WDR27: variants seen among roughly 807,000 people sequenced by gnomAD.
WDR27 encodes the protein WD repeat domain 27, also known as WD repeat-containing protein 27.
In WDR27, 100 loss-of-function variants were observed where a neutral mutation model predicts 114.4. The observed-to-expected ratio is 0.87, with a 90% CI of 0.74 to 1.03. The LOEUF is 1.03. WDR27 is among the 50% of genes least tolerant of loss of function. The pLI, the probability that WDR27 is intolerant of heterozygous loss-of-function variation, is 0.00. For missense variants in WDR27, 1,129 were observed against 1,092.9 expected (o/e 1.03, Z -0.47); for synonymous variants, 449 against 423.1 (o/e 1.06, Z -0.75).
chr6:169,599,398 T>C (rs939869772), intron 23 of WDR27, among the ~76,000 whole-genome samples: 1 of 152,210 alleles, frequency 6.6e-6, no homozygotes, highest in Non-Finnish European at 1.5e-5. Flanking sequence ...TATGGACTTT[T>C]TTTGGTTGGT....
the WDR27 span, among the ~76,000 whole-genome samples, chr6:169,451,152 C>T: frequency 6.6e-6 from 1 of 152,206 alleles, no homozygotes; most frequent in Non-Finnish European, 1.5e-5. Context: ...TTCCTCCGCC[C>T]TGTTGTTTCA....
intron 25 of WDR27, among the ~76,000 whole-genome samples, chr6:169,566,518 A>G (rs938740651): frequency 1.3e-5 from 2 of 152,256 alleles, no homozygotes; most frequent in African/African-American, 4.8e-5. Context: ...GTGATGAGAA[A>G]TGACATAAAT....
At chr6:169,655,663 G>A (rs766081241) in intron 13 of WDR27, among the ~76,000 whole-genome samples, 2 of 152,306 alleles carry the variant, frequency 1.3e-5, no homozygotes, top group South Asian at 4.1e-4. Flanking sequence ...GGAGACCCCC[G>A]AGGCTGGCGA....
chr6:169,679,522 C>A (rs1780947561), intron 2 of WDR27, among the ~76,000 whole-genome samples: 1 of 152,060 alleles, frequency 6.6e-6, no homozygotes, highest in Admixed American at 6.6e-5. Context: ...TTGGGTCATG[C>A]CGGCTGATCC....
Position 169,581,659 on chromosome 6 carries a change from G to A in WDR27, c.2523+1177C>T, listed in dbSNP as rs138542829. Among the ~76,000 whole-genome samples the A allele has an allele frequency of 1.5e-3, 232 of 152,322 alleles. 1 individual carries two copies. The highest frequency in any genetic ancestry group is 5.2e-3 in the African/African-American group (215 of 41,582). ...ATTAGGGCCAAGGATGGAATTCAGC[G>A]GTGATGCTGATGGAAGCTCTGGTCC... On this transcript the variant is annotated intron_variant, in intron 24 of 25. Coordinates refer to ENST00000448612, the MANE Select transcript of WDR27 (RefSeq NM_182552.5).
intron 22 of WDR27, 59 bp downstream of exon 22, chr6:169,613,500 T>C (rs1811092279): frequency 6.0e-6 from 8 of 1,339,566 alleles, no homozygotes; most frequent in Admixed American, 5.3e-5. Flanking sequence ...AGAGATCAGA[T>C]TGAGCTTATA....
chr6:169,443,542 C>T, the WDR27 span, among the ~76,000 whole-genome samples: 9 of 152,174 alleles, frequency 5.9e-5, no homozygotes, highest in South Asian at 1.2e-3. Flanking sequence ...GTGCTCTGGC[C>T]CTGCTGACCA....
chr6:169,505,625 T>A (rs111350414), intron 25 of WDR27, among the ~76,000 whole-genome samples: 6,333 of 151,974 alleles, frequency 0.042, 168 homozygotes, highest in Non-Finnish European at 0.064. Context: ...CACATGTGAG[T>A]CTCCAGCTCA....
intron 2 of WDR27, among the ~76,000 whole-genome samples, chr6:169,677,983 G>C (rs1474534036): frequency 6.6e-6 from 1 of 152,258 alleles, no homozygotes; most frequent in Admixed American, 6.5e-5. Flanking sequence ...TGGGTGCCAA[G>C]GCAGAAGCCT....
At chr6:169,696,839 G>A (rs17860610) in intron 1 of WDR27, among the ~76,000 whole-genome samples, 7,701 of 152,278 alleles carry the variant, frequency 0.051, 274 homozygotes, top group South Asian at 0.11. Context: ...ACTTGAACCC[G>A]GGAGGCGGAG....
intron 5 of WDR27, 73 bp downstream of exon 5, chr6:169,667,909 C>T (rs1828320770): frequency 1.4e-6 from 2 of 1,431,754 alleles, no homozygotes; most frequent in Non-Finnish European, 9.4e-7. Context: ...GAAGCAACCG[C>T]ACAGCTCCCG....
intron 21 of WDR27, among the ~76,000 whole-genome samples, chr6:169,618,627 C>CAAAAA (rs560399990): frequency 4.0e-4 from 37 of 92,098 alleles, no homozygotes; most frequent in East Asian, 7.8e-4. Context: ...TGGATGACTG[C>CAAAAA]AAAAAAAAAA....
At chr6:169,484,835 G>C (rs1387036037) in intron 25 of WDR27, among the ~76,000 whole-genome samples, 1 of 152,084 alleles carries the variant, frequency 6.6e-6, no homozygotes, top group African/African-American at 2.4e-5. Context: ...GAGACCAATT[G>C]AACAGAATGG....
intron 1 of WDR27, among the ~76,000 whole-genome samples, chr6:169,694,683 T>C (rs1322064787): frequency 6.6e-6 from 1 of 152,260 alleles, no homozygotes; most frequent in African/African-American, 2.4e-5. Context: ...AGCACATGAC[T>C]GGCTACAGCA....
At chr6:169,648,056 T>TA (rs1821255251) in intron 15 of WDR27, among the ~76,000 whole-genome samples, 186 bp from the exon 16 acceptor site, 1 of 152,230 alleles carries the variant, frequency 6.6e-6, no homozygotes, top group Non-Finnish European at 1.5e-5. Context: ...ATAACTCTTT[T>TA]AAATAGACTT....
intron 3 of WDR27, 105 bp from the exon 4 acceptor site, chr6:169,670,798 G>T: frequency 7.1e-7 from 1 of 1,406,940 alleles, no homozygotes; most frequent in Non-Finnish European, 9.8e-7. Context: ...AAATTACTGA[G>T]AGAATGACAA....
intron 25 of WDR27, among the ~76,000 whole-genome samples, chr6:169,464,149 T>C (rs1785247578): frequency 6.6e-6 from 1 of 152,182 alleles, no homozygotes. Flanking sequence ...ATATCTTCAA[T>C]AATCAAAACA....
chr6:169,559,539 T>A (rs897005580), intron 25 of WDR27: 2 of 152,178 alleles, frequency 1.3e-5, no homozygotes, highest in Non-Finnish European at 2.9e-5. Context: ...AGAAATATAA[T>A]ATATGTTGCC....
the WDR27 span, among the ~76,000 whole-genome samples, chr6:169,442,047 C>T: frequency 6.6e-6 from 1 of 152,298 alleles, no homozygotes; most frequent in Admixed American, 6.5e-5. Context: ...CTTGTGATGG[C>T]CATTGGCAAT....
Sources: allele counts gnomAD v4.1 joint callset (sites outside exome capture counted in the v4.1 genomes callset), GRCh38; gene constraint gnomAD v4.1.1; transcripts MANE v1.5; gene names NCBI Gene and HGNC (gene_info 2026-07-23, HGNC 2026-07-21).